SMYD4: variants seen among roughly 807,000 people sequenced by gnomAD.
SMYD4 encodes protein-lysine N-methyltransferase SMYD4.
In SMYD4, 68 loss-of-function variants were observed where a neutral mutation model predicts 72.8. That is an observed-to-expected ratio of 0.93 (90% CI 0.77 to 1.14). SMYD4 has a LOEUF of 1.14. Among genes scored for constraint, SMYD4 ranks in the 50% most tolerant of loss-of-function variants. The probability of loss-of-function intolerance (pLI) is 0.00; values close to 1 mark genes in which losing one functional copy is unlikely to be tolerated. For missense variants in SMYD4, 984 were observed against 1,003.7 expected, an observed-to-expected ratio of 0.98 and a Z score of 0.27; for synonymous variants, 407 against 388.6, an observed-to-expected ratio of 1.05 and a Z score of -0.56.
At position 1,800,399 on chromosome 17, in the gene SMYD4, C is replaced by T. The variant is rs1233333573; in HGVS notation, c.995G>A (p.Arg332Lys). The T allele has an allele frequency of 2.5e-6, 4 of 1,614,076 alleles. No homozygotes were observed. The highest frequency in any genetic ancestry group is 3.4e-6 in the Non-Finnish European group (4 of 1,180,052). ...CLQQAWELYH[R>K]TECPLGGLLL... ...CAGCCCTCCCAGAGGACATTCTGTC[C>T]TGTGGTAGAGCTCCCAGGCCTGCTG... Residue 332 changes from arginine to lysine, a missense_variant, in exon 5 of 11, where the codon AGG (arginine) becomes AAG (lysine). Physicochemically the swap from Arg to Lys is conservative, Grantham distance 26. Transcript: ENST00000305513.
chr17:1,811,973 T>G lies in SMYD4; in HGVS notation c.277A>C (p.Lys93Gln). 1 of 1,611,964 alleles carries G rather than the reference T, an allele frequency of 6.2e-7. No individual in the cohort carries two copies. The highest frequency in any genetic ancestry group is 8.5e-7 in the Non-Finnish European group (1 of 1,179,530). The change falls in exon 3 of 11, where the codon AAG becomes CAG. Residue 93 changes from lysine (K) to glutamine (Q), a missense_variant and splice_region_variant. Coordinates refer to ENST00000305513, the MANE Select transcript of SMYD4 (RefSeq NM_052928.3). ...DYTGAAVLYS[K>Q]GVSHSRPNTE... ...TGCTTGAGCTGGGAGTGTTTTACCT[T>G]AGAGTACAGCACTGCAGCTCCTGTG...
intron 5 of SMYD4, among the ~76,000 whole-genome samples, chr17:1,797,192 C>T (rs1909449573): frequency 6.6e-6 from 1 of 152,152 alleles, no homozygotes; most frequent in South Asian, 2.1e-4. Context: ...ATGAGCTAAG[C>T]ATGTAGAGTT....
chr17:1,803,549 T>C (rs1461710741), intron 4 of SMYD4, among the ~76,000 whole-genome samples: 1 of 152,162 alleles, frequency 6.6e-6, no homozygotes, highest in African/African-American at 2.4e-5. Context: ...TGGAGTGCAG[T>C]GGCACGATCT....
intron 3 of SMYD4, among the ~76,000 whole-genome samples, chr17:1,810,716 C>T (rs1910288195): frequency 6.6e-6 from 1 of 152,226 alleles, no homozygotes. Context: ...TGCCACGCCC[C>T]CCAGCCTGGG....
chr17:1,823,512 G>A (rs762927680), intron 2 of SMYD4, among the ~76,000 whole-genome samples: 15 of 151,970 alleles, frequency 9.9e-5, no homozygotes, highest in African/African-American at 3.1e-4. Flanking sequence ...ATGTGTGTGC[G>A]AGCAGGAAGC....
Position 1,784,477 on chromosome 17 carries a change from TTC to T in SMYD4, c.1885-18_1885-17del, listed in dbSNP as rs1389492947. 1 of 1,613,894 alleles carries T rather than the reference TTC, an allele frequency of 6.2e-7. No homozygotes were observed. Among genetic ancestry groups the T allele is most frequent in the Admixed American group, 1.7e-5 (1 of 60,024 alleles). On this transcript the variant is annotated splice_polypyrimidine_tract_variant and intron_variant, in intron 7 of 10. Coordinates refer to ENST00000305513, the MANE Select transcript of SMYD4 (RefSeq NM_052928.3). ...CGTCATCTCCCTGTGGAAGTCAGTT[TTC>T]TCTTTATTCCAATGCCAGGGTCAGT...
Position 1,812,944 on chromosome 17 carries a change from A to ATCT in SMYD4, c.135-830_135-829insAGA, listed in dbSNP as rs34141085. Reference sequence around the variant, plus strand: ...TCCCTCGGATCATACATCATAAAAGATTTTTTTTTTTTGAGACAGAGTTTC... The same window carrying ATCT: ...TCCCTCGGATCATACATCATAAAAGATCTTTTTTTTTTTTTGAGACAGAGTTTC... On this transcript the variant is annotated intron_variant, in intron 2 of 10. Coordinates refer to ENST00000305513, the MANE Select transcript of SMYD4 (RefSeq NM_052928.3). Among the ~76,000 whole-genome samples the ATCT allele has an allele frequency of 1.3e-3, 187 of 147,926 alleles. 2 individuals are homozygous for ATCT. The highest frequency in any genetic ancestry group is 3.5e-3 in the Middle Eastern group (1 of 284).
chr17:1,786,890 A>C lies in SMYD4; in HGVS notation c.1804T>G (p.Cys602Gly). The C allele has an allele frequency of 6.2e-7, 1 of 1,614,258 alleles. No individual in the cohort carries two copies. Among genetic ancestry groups the C allele is most frequent in the South Asian group, 1.1e-5 (1 of 91,088 alleles). Residue 602 changes from cysteine (C) to glycine (G), a missense_variant, in exon 7 of 11, where the codon TGT becomes GGT. By Grantham distance (159) the Cys-to-Gly change is radical. Coordinates refer to ENST00000305513, the MANE Select transcript of SMYD4 (RefSeq NM_052928.3). ...QYFFDCACPA[C>G]QTEAHRMAAG... Reference sequence around the variant, plus strand: ...GCCATCCTGTGTGCCTCAGTTTGACAAGCTGGACAGGCGCAGTCAAAGAAA... The same window carrying C: ...GCCATCCTGTGTGCCTCAGTTTGACCAGCTGGACAGGCGCAGTCAAAGAAA...
chr17:1,782,660 C>A, intron 10 of SMYD4: 1 of 169,506 alleles, frequency 5.9e-6, no homozygotes. Context: ...AGAGAACAAC[C>A]AGAAGGAGAG....
intron 2 of SMYD4, among the ~76,000 whole-genome samples, chr17:1,817,103 T>G (rs923210103): frequency 1.3e-5 from 2 of 151,624 alleles, no homozygotes; most frequent in African/African-American, 4.8e-5. Context: ...GAAGTTCAGT[T>G]TCTCGGCCAC....
chr17:1,810,583 G>C (rs1027465409), intron 3 of SMYD4, among the ~76,000 whole-genome samples: 1 of 152,214 alleles, frequency 6.6e-6, no homozygotes, highest in Non-Finnish European at 1.5e-5. Context: ...GGGAACTGCT[G>C]TGTAGAGAAA....
Position 1,787,538 on chromosome 17 carries a change from A to G in SMYD4, c.1604T>C (p.Ile535Thr), listed in dbSNP as rs766764036. The part of the protein sequence containing the change: ...VRLATGIFPV[I>T]SLLNHSCSPN... ...GCTACAGGAGTGGTTCAGGAGGCTG[A>G]TAACAGGGAAGATGCCTGTGGCAAG... is the stretch of plus-strand genomic sequence containing the variant. Residue 535 changes from isoleucine to threonine, a missense_variant, in exon 6 of 11, where the codon ATC becomes ACC. Physicochemically the swap from Ile to Thr is moderately conservative, Grantham distance 89. Transcript: ENST00000305513. 10 of 1,594,606 alleles carry G rather than the reference A, an allele frequency of 6.3e-6. No individual in the cohort carries two copies. In the South Asian group the frequency reaches 9.1e-5, roughly 15 times the overall value.
chr17:1,791,802 G>A (rs1299275627), intron 5 of SMYD4, among the ~76,000 whole-genome samples: 1 of 151,966 alleles, frequency 6.6e-6, no homozygotes, highest in Non-Finnish European at 1.5e-5. Flanking sequence ...TGGGAGGATC[G>A]CTTGAGCCCA....
At chr17:1,816,110 T>C (rs1461623832) in intron 2 of SMYD4, among the ~76,000 whole-genome samples, 1 of 152,118 alleles carries the variant, frequency 6.6e-6, no homozygotes, top group South Asian at 2.1e-4. Context: ...ATGCTGAAAC[T>C]CTACCCATTA....
At chr17:1,813,655 A>G (rs1273897061) in intron 2 of SMYD4, among the ~76,000 whole-genome samples, 1 of 151,946 alleles carries the variant, frequency 6.6e-6, no homozygotes, top group Non-Finnish European at 1.5e-5. Flanking sequence ...AGCTCAGGCA[A>G]TCTGCCCACT....
rs1480972217 is a variant in SMYD4 at position 1,800,381 on chromosome 17, C to G, written c.1013G>C (p.Gly338Ala). The G allele has an allele frequency of 6.2e-7, 1 of 1,614,078 alleles. No homozygotes were observed. The change falls in exon 5 of 11, where the codon GGA becomes GCA. Residue 338 changes from glycine to alanine, a missense_variant. Gly to Ala is a moderately conservative substitution (Grantham distance 60). Coordinates refer to ENST00000305513, the MANE Select transcript of SMYD4 (RefSeq NM_052928.3). ...ELYHRTECPL[G>A]GLLLTLGVFC... is the part of the protein sequence containing the mutation. Reference sequence around the variant, plus strand: ...GACACCCAGTGTGAGAAGCAGCCCTCCCAGAGGACATTCTGTCCTGTGGTA... The same window carrying G: ...GACACCCAGTGTGAGAAGCAGCCCTGCCAGAGGACATTCTGTCCTGTGGTA...
At chr17:1,784,188 A>G (rs1908525321) in intron 8 of SMYD4, 138 bp downstream of exon 8, 1 of 1,362,992 alleles carries the variant, frequency 7.3e-7, no homozygotes, top group African/African-American at 1.4e-5. Context: ...TCACTGGCCT[A>G]TATAGCCATC....
At chr17:1,813,004 T>C (rs998923509) in intron 2 of SMYD4, among the ~76,000 whole-genome samples, 2 of 151,384 alleles carry the variant, frequency 1.3e-5, no homozygotes, top group African/African-American at 4.9e-5. Flanking sequence ...AGTGGTGCAA[T>C]CTCAGCTCAC....
At chr17:1,802,783 C>G (rs1452664525) in intron 4 of SMYD4, among the ~76,000 whole-genome samples, 5 of 152,100 alleles carry the variant, frequency 3.3e-5, no homozygotes, top group Admixed American at 6.6e-5. Context: ...TTAGACCTCT[C>G]TAATACAAAT....
Sources: gnomAD v4.1 joint callset for allele counts (sites outside exome capture counted in the v4.1 genomes callset) on GRCh38, gnomAD v4.1.1 for gene constraint, MANE v1.5 for transcripts, NCBI Gene and HGNC (gene_info 2026-07-23, HGNC 2026-07-21) for gene names.